Variants in ADGRL2 observed in about 807,000 individuals in gnomAD.
The protein encoded by ADGRL2 is adhesion G protein-coupled receptor L2, also known as calcium-independent alpha-latrotoxin receptor 2.
Under a neutral mutation model 157.4 loss-of-function variants are expected in ADGRL2, and 44 were observed. That is an observed-to-expected ratio of 0.28 (90% confidence interval 0.22 to 0.36). The LOEUF (loss-of-function observed/expected upper bound fraction) is 0.36. Among genes scored for constraint, ADGRL2 ranks in the 10% least tolerant of loss-of-function variants. The pLI is 1.00. For missense variants in ADGRL2, 1,510 were observed against 1,768.9 expected (o/e 0.85, Z 2.63); for synonymous variants, 585 against 624.7 (o/e 0.94, Z 0.95).
chr1:81,436,062 T>C (rs2077403842), intron 1 of ADGRL2, among the ~76,000 whole-genome samples: 1 of 152,156 alleles, frequency 6.6e-6, no homozygotes, highest in Admixed American at 6.5e-5. Flanking sequence ...GCCATTGCAC[T>C]TTAACCTGGG....
chr1:81,595,119 A>C (rs1308157576), intron 3 of ADGRL2, among the ~76,000 whole-genome samples: 1 of 152,172 alleles, frequency 6.6e-6, no homozygotes, highest in Non-Finnish European at 1.5e-5. Context: ...ATAGAGTGTG[A>C]CATGTGCTAT....
rs553164770 is a variant in ADGRL2 at position 81,469,352 on chromosome 1, G to A, written c.-248+24263G>A. On this transcript the variant is annotated intron_variant, in intron 2 of 24. Transcript: ENST00000370721. ...ATCTTGCGGTTGATTTCAGGGACAC[G>A]GCTCCTTGATCTGCTGTCTTTTCTG... is the stretch of plus-strand genomic sequence containing the variant. Among the ~76,000 whole-genome samples the A allele has an allele frequency of 1.1e-4, 17 of 152,186 alleles. No individual in the cohort carries two copies. The East Asian group carries it at 2.1e-3, about 19-fold the overall frequency.
Position 81,717,999 on chromosome 1 carries a change from A to G in ADGRL2, c.-143+18191A>G, listed in dbSNP as rs144297889. On this transcript the variant is annotated intron_variant, in intron 1 of 20. Transcript: ENST00000359929. ...GTTTTAATTTTGTGGTTGGTTAATT[A>G]TAAAAGCACACCTCTCTGGCACTGC... 5.1e-3 allele frequency among the ~76,000 whole-genome samples: 782 copies of G among 152,318 alleles called. 2 individuals carry two copies. The highest frequency in any genetic ancestry group is 0.01 in the Middle Eastern group (3 of 294).
intron 1 of ADGRL2, among the ~76,000 whole-genome samples, chr1:81,351,561 C>T (rs4483451): frequency 0.94 from 142,215 of 151,974 alleles, 66,674 homozygotes; most frequent in African/African-American, 0.99. Flanking sequence ...GACAAGTTAT[C>T]TGGCAAATGC....
At chr1:81,906,832 A>G (rs1273366805) in intron 2 of ADGRL2, among the ~76,000 whole-genome samples, 185 bp from the exon 3 acceptor site, 1 of 152,234 alleles carries the variant, frequency 6.6e-6, no homozygotes, top group East Asian at 1.9e-4. Flanking sequence ...AAGAGTCCAA[A>G]TAAAGATGAA....
intron 2 of ADGRL2, among the ~76,000 whole-genome samples, chr1:81,463,204 G>A (rs1369940667): frequency 6.6e-6 from 1 of 151,800 alleles, no homozygotes; most frequent in Non-Finnish European, 1.5e-5. Flanking sequence ...CTTCAAATGT[G>A]TATGTAGCAG....
At chr1:81,866,530 A>G (rs1158956865) in intron 2 of ADGRL2, among the ~76,000 whole-genome samples, 1 of 152,172 alleles carries the variant, frequency 6.6e-6, no homozygotes, top group African/African-American at 2.4e-5. Context: ...CTTTTAAGTA[A>G]TAGAGACAAG....
At chr1:81,909,119 A>T (rs1294471793) in intron 3 of ADGRL2, among the ~76,000 whole-genome samples, 1 of 151,820 alleles carries the variant, frequency 6.6e-6, no homozygotes, top group African/African-American at 2.4e-5. Flanking sequence ...CAGGAAATCC[A>T]CCTGCCTCAG....
chr1:81,352,845 A>G (rs1663006674), intron 1 of ADGRL2, among the ~76,000 whole-genome samples: 1 of 152,110 alleles, frequency 6.6e-6, no homozygotes, highest in Non-Finnish European at 1.5e-5. Context: ...TGAGTAGTAG[A>G]GTCAGTTAAC....
At chr1:81,823,058 A>G (rs2091141945) in intron 1 of ADGRL2, among the ~76,000 whole-genome samples, 1 of 152,054 alleles carries the variant, frequency 6.6e-6, no homozygotes, top group Admixed American at 6.6e-5. Flanking sequence ...GTGTTTAATT[A>G]AAAAATAGTC....
intron 16 of ADGRL2, 56 bp from the exon 17 acceptor site, chr1:81,971,796 G>A (rs1215882287): frequency 1.1e-6 from 1 of 893,820 alleles, no homozygotes; most frequent in Admixed American, 2.0e-5. Context: ...TATTTTCCTT[G>A]TGATGTTGAG....
intron 1 of ADGRL2, among the ~76,000 whole-genome samples, chr1:81,403,237 TTG>T (rs1491097399): frequency 3.6e-3 from 166 of 45,944 alleles, no homozygotes; most frequent in Middle Eastern, 0.013. Flanking sequence ...TGTTTTTTTT[TTG>T]TTGTTGTTTG....
At chr1:81,448,069 A>G (rs1352229494) in intron 2 of ADGRL2, among the ~76,000 whole-genome samples, 1 of 148,026 alleles carries the variant, frequency 6.8e-6, no homozygotes, top group Non-Finnish European at 1.5e-5. Flanking sequence ...AGATCCTGCC[A>G]TGCTTCCTGT....
intron 1 of ADGRL2, among the ~76,000 whole-genome samples, chr1:81,711,691 T>G (rs1180976488): frequency 9.2e-5 from 14 of 152,210 alleles, no homozygotes; most frequent in African/African-American, 3.4e-4. Context: ...TGCTAAGATG[T>G]TAGCAGTTTT....
intron 2 of ADGRL2, among the ~76,000 whole-genome samples, chr1:81,472,051 A>C (rs2078182903): frequency 6.6e-6 from 1 of 152,208 alleles, no homozygotes; most frequent in African/African-American, 2.4e-5. Flanking sequence ...TATTTTTTGA[A>C]GCACCATACC....
chr1:81,387,572 C>G (rs1229247317), intron 1 of ADGRL2, among the ~76,000 whole-genome samples: 1 of 152,098 alleles, frequency 6.6e-6, no homozygotes, highest in Non-Finnish European at 1.5e-5. Flanking sequence ...AACTGAAGGT[C>G]ACTTGGCCTA....
rs541894663 is a variant in ADGRL2 at position 81,608,986 on chromosome 1, G to C, written c.-143+28006G>C. On this transcript the variant is annotated intron_variant, in intron 3 of 24. Transcript: ENST00000370721. The stretch of plus-strand genomic sequence containing the variant: ...CTCTTGAGAGGTTTACATTGAGAAA[G>C]AGGAGGCGGGATGGAGAGGAGAACT... 8.5e-5 allele frequency among the ~76,000 whole-genome samples: 13 copies of C among 152,228 alleles called. No individual in the cohort carries two copies. In the South Asian group the frequency reaches 2.7e-3, roughly 32 times the overall value.
chr1:81,357,990 TA>T (rs1663437117), intron 1 of ADGRL2, among the ~76,000 whole-genome samples: 1 of 152,130 alleles, frequency 6.6e-6, no homozygotes, highest in Non-Finnish European at 1.5e-5. Flanking sequence ...GGGGTAATAA[TA>T]AAGTAAATTA....
intron 2 of ADGRL2, among the ~76,000 whole-genome samples, chr1:81,786,893 G>C (rs894084449): frequency 4.6e-5 from 7 of 152,174 alleles, no homozygotes; most frequent in Non-Finnish European, 7.3e-5. Context: ...GTTTGGCTCT[G>C]TGTCCCTACC....
Sources: gnomAD v4.1 joint callset for allele counts (sites outside exome capture counted in the v4.1 genomes callset) on GRCh38, gnomAD v4.1.1 for gene constraint, MANE v1.5 for transcripts, NCBI Gene and HGNC (gene_info 2026-07-23, HGNC 2026-07-21) for gene names.